Variants in DOK5 observed in about 807,000 individuals in gnomAD.
DOK5 encodes downstream of tyrosine kinase 5.
In DOK5, 27 loss-of-function variants were observed where a neutral mutation model predicts 43.3. The ratio of observed to expected loss-of-function variants is 0.62; its 90% CI spans 0.46 to 0.86. DOK5 has a LOEUF of 0.86. Among genes scored for constraint, DOK5 ranks in the 40% least tolerant of loss-of-function variants. DOK5 has a pLI of 0.00. For missense variants in DOK5, 373 were observed against 392.9 expected, an observed-to-expected ratio of 0.95 and a Z score of 0.43; for synonymous variants, 146 against 140.1, an observed-to-expected ratio of 1.04 and a Z score of -0.30.
At chr20:54,494,909 C>T (rs1227686330) in intron 1 of DOK5, 1 of 151,846 alleles carries the variant, frequency 6.6e-6, no homozygotes, top group Non-Finnish European at 1.5e-5. Flanking sequence ...AACTGCAAAT[C>T]TGCAACTCTA....
chr20:54,548,282 T>C (rs1223528789), intron 1 of DOK5, among the ~76,000 whole-genome samples: 1 of 151,644 alleles, frequency 6.6e-6, no homozygotes, highest in Non-Finnish European at 1.5e-5. Context: ...GTCATGAGGC[T>C]GGAGTACAGT....
chr20:54,638,323 GA>G (rs1416972944), intron 6 of DOK5, among the ~76,000 whole-genome samples: 4 of 152,118 alleles, frequency 2.6e-5, no homozygotes, highest in Admixed American at 2.6e-4. Flanking sequence ...AGGGAAGGTA[GA>G]ATTTAACCAC....
Position 54,605,026 on chromosome 20 carries a change from C to T in DOK5, c.600-5362C>T, listed in dbSNP as rs550670092. Reference sequence around the variant, plus strand: ...CAAAAAAAAAAAATATATATATATACACACACACACACACACACACGTATA... The same window carrying T: ...CAAAAAAAAAAAATATATATATATATACACACACACACACACACACGTATA... On this transcript the variant is annotated intron_variant, in intron 5 of 7. Transcript: ENST00000262593. 6.4e-4 allele frequency among the ~76,000 whole-genome samples: 79 copies of T among 123,026 alleles called. 1 individual carries two copies. Among genetic ancestry groups the T allele is most frequent in the East Asian group, 3.2e-3 (16 of 5,024 alleles). The allele number at this position is 123,026 out of a possible 152,430, so 80.7% of individuals were successfully genotyped here.
intron 1 of DOK5, among the ~76,000 whole-genome samples, chr20:54,514,951 A>T (rs1983145231): frequency 6.7e-6 from 1 of 150,286 alleles, no homozygotes; most frequent in South Asian, 2.1e-4. Context: ...TCTTTTTTTA[A>T]AGAAAATAAA....
In DOK5 at chr20:54,528,416, T is replaced by C. The variant is rs574192155; in HGVS notation, c.67-26517T>C. Among the ~76,000 whole-genome samples the C allele has an allele frequency of 2.7e-4, 41 of 152,306 alleles. 3 individuals carry two copies. The South Asian group carries it at 7.5e-3, about 28-fold the overall frequency. On this transcript the variant is annotated intron_variant, in intron 1 of 7. Transcript: ENST00000262593. ...AACAGGAAACCTGGTATCTTTCATG[T>C]GTCTGCTCCACCATTCTTGTATACG...
chr20:54,480,438 A>G (rs962198204), intron 1 of DOK5, among the ~76,000 whole-genome samples: 15 of 152,224 alleles, frequency 9.9e-5, no homozygotes, highest in African/African-American at 3.6e-4. Flanking sequence ...TACAGATGCC[A>G]TGGCAACGTC....
At chr20:54,635,995 A>G (rs1354546513) in intron 6 of DOK5, among the ~76,000 whole-genome samples, 1 of 152,218 alleles carries the variant, frequency 6.6e-6, no homozygotes, top group Admixed American at 6.5e-5. Context: ...ATCTTGGAAA[A>G]GGCCTTCCTG....
chr20:54,623,767 G>A (rs1007946081), intron 6 of DOK5, among the ~76,000 whole-genome samples: 2 of 152,036 alleles, frequency 1.3e-5, no homozygotes, highest in Non-Finnish European at 1.5e-5. Flanking sequence ...TTTTAGTAGA[G>A]ACAGGGTTTC....
chr20:54,641,747 C>T (rs1307676053), intron 6 of DOK5, among the ~76,000 whole-genome samples: 1 of 152,154 alleles, frequency 6.6e-6, no homozygotes, highest in African/African-American at 2.4e-5. Flanking sequence ...CCTGTGTCTC[C>T]TTCGTGGTAC....
At chr20:54,510,584 G>A (rs963802071) in intron 1 of DOK5, among the ~76,000 whole-genome samples, 4 of 152,102 alleles carry the variant, frequency 2.6e-5, no homozygotes, top group African/African-American at 9.7e-5. Context: ...AATGTTGTGG[G>A]GGGTTTTAAA....
rs896428382 is a variant in DOK5 at position 54,572,318 on chromosome 20, G to A, written c.175-16165G>A. Among the ~76,000 whole-genome samples, 5 of 151,868 alleles carry A rather than the reference G, an allele frequency of 3.3e-5. No homozygotes were observed. In the South Asian group the frequency reaches 8.3e-4, roughly 25 times the overall value. On this transcript the variant is annotated intron_variant, in intron 2 of 7. Coordinates refer to ENST00000262593, the MANE Select transcript of DOK5 (RefSeq NM_018431.5). ...TGGGACTACAGGTACTCGCCACCAC[G>A]CCCGGCTAATTTTTTGTATTTCTTT...
chr20:54,477,014 T>C (rs1981455296), intron 1 of DOK5, among the ~76,000 whole-genome samples: 1 of 148,674 alleles, frequency 6.7e-6, no homozygotes, highest in African/African-American at 2.5e-5. Flanking sequence ...TCCTGTGCGT[T>C]TGGACATAAG....
chr20:54,606,105 G>A (rs966272261), intron 5 of DOK5, among the ~76,000 whole-genome samples: 5 of 152,166 alleles, frequency 3.3e-5, no homozygotes, highest in Non-Finnish European at 5.9e-5. Flanking sequence ...TGAGCTATTG[G>A]TTCCTTCTGA....
chr20:54,645,925 C>CAAAAAAAAAAAAAAA (rs550943378), intron 7 of DOK5, among the ~76,000 whole-genome samples: 34 of 85,868 alleles, frequency 4.0e-4, no homozygotes, highest in African/African-American at 8.2e-4. Flanking sequence ...GCAGATGCTG[C>CAAAAAAAAAAAAAAA]AAAAAAAAAA....
At chr20:54,510,078 C>T (rs1038932339) in intron 1 of DOK5, among the ~76,000 whole-genome samples, 2 of 152,106 alleles carry the variant, frequency 1.3e-5, no homozygotes, top group Non-Finnish European at 2.9e-5. Context: ...TGTAACAAAC[C>T]TGCACATCCT....
chr20:54,584,880 T>C (rs1347928916), intron 2 of DOK5, among the ~76,000 whole-genome samples: 5 of 152,114 alleles, frequency 3.3e-5, no homozygotes, highest in East Asian at 1.9e-4. Flanking sequence ...GAACTTCCTT[T>C]AGCATTTCTT....
chr20:54,599,154 A>G (rs1197734986), intron 5 of DOK5, among the ~76,000 whole-genome samples: 1 of 152,236 alleles, frequency 6.6e-6, no homozygotes, highest in East Asian at 1.9e-4. Context: ...TTATTGAAGA[A>G]TTTAAAGCAA....
At chr20:54,561,186 G>A (rs1356587424) in intron 2 of DOK5, among the ~76,000 whole-genome samples, 1 of 152,202 alleles carries the variant, frequency 6.6e-6, no homozygotes, top group African/African-American at 2.4e-5. Flanking sequence ...TTTCCCTGAG[G>A]TGGTTCATCT....
At chr20:54,500,253 C>T (rs1982545378) in intron 1 of DOK5, among the ~76,000 whole-genome samples, 1 of 152,058 alleles carries the variant, frequency 6.6e-6, no homozygotes, top group African/African-American at 2.4e-5. Flanking sequence ...AGCTAAATTC[C>T]ATAGTTAGAA....
Sources: gnomAD v4.1 joint callset for allele counts (sites outside exome capture counted in the v4.1 genomes callset) on GRCh38, gnomAD v4.1.1 for gene constraint, MANE v1.5 for transcripts, NCBI Gene and HGNC (gene_info 2026-07-23, HGNC 2026-07-21) for gene names.